IGLL5: variants seen among roughly 807,000 people sequenced by gnomAD.
IGLL5 encodes the protein immunoglobulin lambda-like polypeptide 5.
IGLL5 carries 30 observed loss-of-function variants against 20.9 expected under a neutral mutation model. The ratio of observed to expected loss-of-function variants is 1.44; its 90% CI spans 1.07 to 1.95. The LOEUF (loss-of-function observed/expected upper bound fraction) is 1.95. IGLL5 is among the 30% of genes most tolerant of loss of function. The probability of loss-of-function intolerance (pLI) is 0.00; values close to 1 mark genes in which losing one functional copy is unlikely to be tolerated. For missense variants in IGLL5, 475 were observed against 270.7 expected, an observed-to-expected ratio of 1.75 and a Z score of -5.30; for synonymous variants, 203 against 117.3, an observed-to-expected ratio of 1.73 and a Z score of -4.72.
At chr22:22,889,459 T>A (rs1357783751) in intron 1 of IGLL5, among the ~76,000 whole-genome samples, 3 of 151,282 alleles carry the variant, frequency 2.0e-5, no homozygotes, top group Admixed American at 6.6e-5. Flanking sequence ...GTTGGGGGAA[T>A]AATCAAAGCT....
Position 22,888,013 on chromosome 22 carries a change from G to C in IGLL5, c.-41G>C, listed in dbSNP as rs1331166632. On this transcript the variant is annotated 5_prime_UTR_variant, in exon 1 of 3. It removes an upstream start codon present in the reference 5' UTR. Transcript: ENST00000526893. ...GGGCACCGTCCTCCAGGGAGCCCAT[G>C]CTGCAAGTCGGGCCAGAGGTGCCCC... is the stretch of plus-strand genomic sequence containing the variant. 6.7e-7 allele frequency: 1 copy of C among 1,500,296 alleles called. No individual in the cohort carries two copies. The highest frequency in any genetic ancestry group is 1.2e-5 in the South Asian group (1 of 82,930). 92.9% of individuals were successfully genotyped at this position (1,500,296 alleles called of 1,614,324 possible).
intron 1 of IGLL5, among the ~76,000 whole-genome samples, chr22:22,889,308 A>G: frequency 6.6e-6 from 1 of 151,130 alleles, no homozygotes; most frequent in East Asian, 2.0e-4. Flanking sequence ...AGGGCTGAGC[A>G]GAGGGGAGCA....
At chr22:22,888,711 T>C (rs546504372) in intron 1 of IGLL5, among the ~76,000 whole-genome samples, 7 of 151,300 alleles carry the variant, frequency 4.6e-5, no homozygotes, top group South Asian at 2.1e-4. Context: ...AGGGCTTGGT[T>C]TGGTCTCCCC....
At chr22:22,894,552 C>T (rs559557929) in intron 2 of IGLL5, among the ~76,000 whole-genome samples, 5 of 151,518 alleles carry the variant, frequency 3.3e-5, no homozygotes, top group East Asian at 2.0e-4. Context: ...GTTCACGGAT[C>T]GGCCTCCTGC....
intron 2 of IGLL5, among the ~76,000 whole-genome samples, 159 bp downstream of exon 2, chr22:22,893,977 G>T (rs1601622364): frequency 6.6e-5 from 10 of 151,234 alleles, no homozygotes; most frequent in Middle Eastern, 7.5e-3. Flanking sequence ...TAGTCTCCGG[G>T]TAACCGGCAG....
intron 1 of IGLL5, among the ~76,000 whole-genome samples, chr22:22,888,540 T>G (rs1601601868): frequency 2.0e-5 from 3 of 151,356 alleles, no homozygotes; most frequent in African/African-American, 7.3e-5. Flanking sequence ...CTAGTCCTAG[T>G]CCTCTGGGTA....
chr22:22,888,757 T>A (rs1011893574), intron 1 of IGLL5, among the ~76,000 whole-genome samples: 1 of 151,340 alleles, frequency 6.6e-6, no homozygotes, highest in African/African-American at 2.4e-5. Context: ...ACATAAATGC[T>A]TACTGGGGCC....
chr22:22,894,199 G>A lies in IGLL5; in HGVS notation c.325+381G>A, dbSNP rs185999104. 2.6e-4 allele frequency among the ~76,000 whole-genome samples: 40 copies of A among 151,202 alleles called. 1 individual carries two copies. The highest frequency in any genetic ancestry group is 1.9e-3 in the South Asian group (9 of 4,736). ...AGAGGCTGCTGGGGTGGGCCTGGGA[G>A]CTGCTGAGTCTCATAGTCTAGGGGA... On this transcript the variant is annotated intron_variant, in intron 2 of 2. Transcript: ENST00000526893.
At position 22,887,990 on chromosome 22, in the gene IGLL5, G is replaced by T. The variant is rs536682861; in HGVS notation, c.-64G>T. Reference sequence around the variant, plus strand: ...AGCCCTGCTGGCGAGAGGGACCAGGGCACCGTCCTCCAGGGAGCCCATGCT... The same window carrying T: ...AGCCCTGCTGGCGAGAGGGACCAGGTCACCGTCCTCCAGGGAGCCCATGCT... On this transcript the variant is annotated 5_prime_UTR_variant, in exon 1 of 3. Transcript: ENST00000526893. 2.3e-6 allele frequency: 3 copies of T among 1,319,210 alleles called. No homozygotes were observed. The highest frequency in any genetic ancestry group is 1.5e-5 in the African/African-American group (1 of 68,092). 81.7% of individuals were successfully genotyped at this position (1,319,210 alleles called of 1,614,324 possible).
In IGLL5 at chr22:22,895,373, A is replaced by G; in HGVS notation, c.326-2A>G. The G allele has an allele frequency of 6.2e-7, 1 of 1,612,444 alleles. No homozygotes were observed. The highest frequency in any genetic ancestry group is 1.1e-5 in the South Asian group (1 of 90,972). On this transcript the variant is annotated splice_acceptor_variant, in intron 2 of 2. Transcript: ENST00000526893. LOFTEE classifies it high-confidence loss of function. ...CTCTCACCCCCTTCCCTGTCCACAC[A>G]GGTCAGCCCAAGGCCAACCCCACTG... is the stretch of plus-strand genomic sequence containing the variant.
chr22:22,889,740 A>G (rs2067748797), intron 1 of IGLL5, among the ~76,000 whole-genome samples: 1 of 151,218 alleles, frequency 6.6e-6, no homozygotes, highest in African/African-American at 2.4e-5. Context: ...GATGCAGGCC[A>G]CTACACCTGG....
At chr22:22,888,296 T>C (rs773151514) in intron 1 of IGLL5, 37 bp downstream of exon 1, 22 of 1,536,488 alleles carry the variant, frequency 1.4e-5, no homozygotes, top group East Asian at 2.5e-5. Context: ...GTGGGGGTCC[T>C]GCAGCAGAGC....
At chr22:22,888,507 A>G (rs543680524) in intron 1 of IGLL5, among the ~76,000 whole-genome samples, 3 of 151,310 alleles carry the variant, frequency 2.0e-5, no homozygotes, top group East Asian at 4.1e-4. Context: ...TTAAATTTTC[A>G]CCAGGGTCAG....
rs3216165 is a variant in IGLL5, at chr22:22,890,811, CA to C, written c.206+2558del. ...TTTTATATTCTGCCCATCTGATGAG[CA>C]AAAAATTGAATGTGTTTATGGTTTT... is the stretch of plus-strand genomic sequence containing the variant. On this transcript the variant is annotated intron_variant, in intron 1 of 2. Transcript: ENST00000526893. Among the ~76,000 whole-genome samples the C allele has an allele frequency of 1.1e-4, 16 of 151,054 alleles. 1 individual carries two copies. The East Asian group carries it at 3.2e-3, about 31-fold the overall frequency.
At chr22:22,894,872 G>GAGGGATAGGAAGCTCC (rs2146047638) in intron 2 of IGLL5, among the ~76,000 whole-genome samples, 1 of 151,482 alleles carries the variant, frequency 6.6e-6, no homozygotes, top group Admixed American at 6.6e-5. Flanking sequence ...CGGTGCCTGT[G>GAGGGATAGGAAGCTCC]AGGGATAGGA....
intron 2 of IGLL5, 33 bp from the exon 3 acceptor site, chr22:22,895,342 T>A: frequency 6.3e-7 from 1 of 1,587,160 alleles, no homozygotes. Context: ...GTATTCTGTC[T>A]GCCCTCTCTC....
At chr22:22,891,425 T>A (rs1360998226) in intron 1 of IGLL5, among the ~76,000 whole-genome samples, 1 of 151,270 alleles carries the variant, frequency 6.6e-6, no homozygotes, top group Non-Finnish European at 1.5e-5. Flanking sequence ...CCACCCTGTT[T>A]TGATTATTTT....
intron 2 of IGLL5, among the ~76,000 whole-genome samples, chr22:22,894,574 G>A (rs1373338898): frequency 6.6e-6 from 1 of 151,400 alleles, no homozygotes; most frequent in Non-Finnish European, 1.5e-5. Flanking sequence ...TTCCTCAAAG[G>A]GCATGTTAGA....
chr22:22,892,319 A>G (rs2146019673), intron 1 of IGLL5, among the ~76,000 whole-genome samples: 1 of 151,348 alleles, frequency 6.6e-6, no homozygotes, highest in East Asian at 2.0e-4. Flanking sequence ...TGCTAAGATG[A>G]AAGTTGCTGG....
Sources: allele counts gnomAD v4.1 joint callset (sites outside exome capture counted in the v4.1 genomes callset), GRCh38; gene constraint gnomAD v4.1.1; transcripts MANE v1.5; gene names NCBI Gene and HGNC (gene_info 2026-07-23, HGNC 2026-07-21).